Variants in KIT observed in about 807,000 individuals in gnomAD.
The protein encoded by KIT is KIT proto-oncogene, receptor tyrosine kinase, also known as mast/stem cell growth factor receptor Kit.
In KIT, 16 loss-of-function variants were observed where a neutral mutation model predicts 105.7. The ratio of observed to expected loss-of-function variants is 0.15; its 90% CI spans 0.10 to 0.23. The LOEUF (loss-of-function observed/expected upper bound fraction) is 0.23, where lower values mean the gene tolerates loss of function less well. KIT is among the 10% of genes least tolerant of loss of function. The probability of loss-of-function intolerance (pLI) is 1.00; values close to 1 mark genes in which losing one functional copy is unlikely to be tolerated. For synonymous variants in KIT, 438 were observed against 441.1 expected, an observed-to-expected ratio of 0.99 and a Z score of 0.09; for missense variants, 858 against 1,213.8, an observed-to-expected ratio of 0.71 and a Z score of 4.36.
intron 8 of KIT, among the ~76,000 whole-genome samples, chr4:54,724,912 G>A (rs1387275430): frequency 6.6e-6 from 1 of 152,180 alleles, no homozygotes; most frequent in Non-Finnish European, 1.5e-5. Context: ...AATAAACAAT[G>A]AATGTATGTA....
At chr4:54,735,065 A>G (rs927441204) in intron 17 of KIT, among the ~76,000 whole-genome samples, 3 of 152,212 alleles carry the variant, frequency 2.0e-5, no homozygotes, top group African/African-American at 7.2e-5. Flanking sequence ...ATACCTATAA[A>G]GACTTAATAG....
intron 1 of KIT, among the ~76,000 whole-genome samples, chr4:54,668,107 A>G (rs1717831334): frequency 6.6e-6 from 1 of 152,214 alleles, no homozygotes; most frequent in African/African-American, 2.4e-5. Context: ...AAACCTTGAT[A>G]AGGAGCCTGT....
Position 54,706,224 on chromosome 4 carries a change from AT to A in KIT, c.926-871del, listed in dbSNP as rs1720779410. Among the ~76,000 whole-genome samples, 4 of 126,902 alleles carry A rather than the reference AT, an allele frequency of 3.2e-5. No homozygotes were observed. The South Asian group carries it at 1.0e-3, about 32-fold the overall frequency. The allele number at this position is 126,902 out of a possible 152,430, so 83.3% of individuals were successfully genotyped here. ...ACAAGATTTAATCAAGGAATAGATAATTTAAAAAAAAATCTATATTGCTAAA... is the reference window on the plus strand; with the variant it reads ...ACAAGATTTAATCAAGGAATAGATAATTAAAAAAAAATCTATATTGCTAAA... On this transcript the variant is annotated intron_variant, in intron 5 of 20. Transcript: ENST00000288135.
Position 54,723,622 on chromosome 4 carries a change from G to A in KIT, c.1270G>A (p.Gly424Ser). 1.2e-6 allele frequency: 2 copies of A among 1,614,092 alleles called. No homozygotes were observed. The highest frequency in any genetic ancestry group is 2.2e-5 in the South Asian group (2 of 91,088). ...CCTGACTTACGACAGGCTCGTGAAT[G>A]GCATGCTCCAATGTGTGGCAGCAGG... ...EILTYDRLVN[G>S]MLQCVAAGFP... The change falls in exon 8 of 21, where the codon GGC (glycine) becomes AGC (serine). Residue 424 changes from glycine (G) to serine (S), a missense_variant. Physicochemically the swap from Gly to Ser is moderately conservative, Grantham distance 56 (BLOSUM62 0). Around this residue, in one of 7 missense-constraint regions of KIT, gnomAD observed 401 missense variants for 601.0 expected, o/e 0.67. Coordinates refer to ENST00000288135, the MANE Select transcript of KIT (RefSeq NM_000222.3).
chr4:54,683,654 C>A (rs1178781935), intron 1 of KIT, among the ~76,000 whole-genome samples: 1 of 152,234 alleles, frequency 6.6e-6, no homozygotes, highest in Non-Finnish European at 1.5e-5. Flanking sequence ...GATGTCCTGT[C>A]TCTAAAACAC....
intron 1 of KIT, among the ~76,000 whole-genome samples, chr4:54,687,733 C>A (rs1719418199): frequency 6.6e-6 from 1 of 152,038 alleles, no homozygotes; most frequent in South Asian, 2.1e-4. Flanking sequence ...TTTGTCTTCG[C>A]CTTCCTTTTC....
At chr4:54,723,366 G>A (rs1335524580) in intron 7 of KIT, among the ~76,000 whole-genome samples, 1 of 152,134 alleles carries the variant, frequency 6.6e-6, no homozygotes, top group Non-Finnish European at 1.5e-5. Flanking sequence ...ATCTCCTCTG[G>A]GGCTGGGCCA....
chr4:54,713,868 A>G (rs1204341192), intron 7 of KIT, among the ~76,000 whole-genome samples: 1 of 152,310 alleles, frequency 6.6e-6, no homozygotes, highest in African/African-American at 2.4e-5. Context: ...TACTGTTTCT[A>G]ACCTCTCTAA....
chr4:54,698,246 AG>A, intron 2 of KIT, 37 bp from the exon 3 acceptor site: 2 of 1,595,074 alleles, frequency 1.3e-6, no homozygotes, highest in South Asian at 2.2e-5. Flanking sequence ...GTCTGTGACC[AG>A]CCATTCCAAC....
At chr4:54,663,246 G>A (rs971408091) in intron 1 of KIT, among the ~76,000 whole-genome samples, 5 of 152,210 alleles carry the variant, frequency 3.3e-5, no homozygotes, top group African/African-American at 1.2e-4. Context: ...TTGACACGCT[G>A]GATTTTTATT....
At chr4:54,727,953 C>T (rs754594393) in intron 12 of KIT, 26 bp downstream of exon 12, 9 of 1,611,122 alleles carry the variant, frequency 5.6e-6, no homozygotes, top group African/African-American at 5.3e-5. Context: ...GTACTGCATG[C>T]GCTTGACATC....
intron 1 of KIT, among the ~76,000 whole-genome samples, chr4:54,685,576 C>T (rs1270959904): frequency 4.6e-5 from 7 of 152,162 alleles, no homozygotes; most frequent in African/African-American, 1.7e-4. Flanking sequence ...GTTCCCCTTG[C>T]ACTGTCCTTC....
At chr4:54,670,314 T>TA (rs1215589191) in intron 1 of KIT, among the ~76,000 whole-genome samples, 2 of 152,210 alleles carry the variant, frequency 1.3e-5, no homozygotes, top group African/African-American at 4.8e-5. Context: ...TTTCTTAAAA[T>TA]ATGACCGAAC....
intron 1 of KIT, among the ~76,000 whole-genome samples, chr4:54,692,051 C>G (rs1353420160): frequency 6.6e-6 from 1 of 152,172 alleles, no homozygotes. Context: ...TTCCATGTAC[C>G]AAAACATAGT....
chr4:54,690,150 C>T (rs1032267190), intron 1 of KIT, among the ~76,000 whole-genome samples: 3 of 151,464 alleles, frequency 2.0e-5, no homozygotes, highest in Non-Finnish European at 4.4e-5. Context: ...AGTTATTGGA[C>T]CACATTTGGG....
At chr4:54,692,185 C>A (rs1267483738) in intron 1 of KIT, among the ~76,000 whole-genome samples, 1 of 152,156 alleles carries the variant, frequency 6.6e-6, no homozygotes, top group African/African-American at 2.4e-5. Context: ...AGTGGCAGAG[C>A]CAAGATGCAA....
At chr4:54,666,614 G>A (rs949575591) in intron 1 of KIT, among the ~76,000 whole-genome samples, 2 of 152,058 alleles carry the variant, frequency 1.3e-5, no homozygotes, top group African/African-American at 4.8e-5. Flanking sequence ...TCATTAGAAG[G>A]GTTGGCAGAG....
Position 54,683,418 on chromosome 4 carries a change from C to G in KIT, c.68-12094C>G, listed in dbSNP as rs143535033. Reference sequence around the variant, plus strand: ...TAGGAAGGCAGAGGCAGGAGAATAGCGTGAGCCCAGGAGTTCGAGATCTGC... The same window carrying G: ...TAGGAAGGCAGAGGCAGGAGAATAGGGTGAGCCCAGGAGTTCGAGATCTGC... On this transcript the variant is annotated intron_variant, in intron 1 of 20. Transcript: ENST00000288135. Among the ~76,000 whole-genome samples, 309 of 152,262 alleles carry G rather than the reference C, an allele frequency of 2.0e-3. 2 individuals carry two copies. Among genetic ancestry groups the G allele is most frequent in the African/African-American group, 7.0e-3 (290 of 41,556 alleles).
At chr4:54,716,618 G>T (rs1028389734) in intron 7 of KIT, among the ~76,000 whole-genome samples, 1 of 151,970 alleles carries the variant, frequency 6.6e-6, no homozygotes, top group Non-Finnish European at 1.5e-5. Flanking sequence ...CATCATTTTG[G>T]CATCTCAGTG....
Sources: gnomAD v4.1 joint callset for allele counts (sites outside exome capture counted in the v4.1 genomes callset) on GRCh38, gnomAD v4.1.1 for gene constraint, gnomAD v4.1.1 regional missense constraint, MANE v1.5 for transcripts, NCBI Gene and HGNC (gene_info 2026-07-23, HGNC 2026-07-21) for gene names.